FGF12: variants seen among roughly 807,000 people sequenced by gnomAD.
FGF12 encodes fibroblast growth factor 12B.
FGF12 carries 14 observed loss-of-function variants against 23.6 expected under a neutral mutation model. The ratio of observed to expected loss-of-function variants is 0.59; its 90% CI spans 0.39 to 0.93. The LOEUF (loss-of-function observed/expected upper bound fraction) is 0.93. Ranked by LOEUF, FGF12 falls within the 40% of genes least tolerant of loss-of-function variation. The pLI is 0.00. For synonymous variants in FGF12, 62 were observed against 77.3 expected (o/e 0.80, Z 1.04); for missense variants, 175 against 217.8 (o/e 0.80, Z 1.24).
chr3:192,308,623 T>C (rs1193203459), intron 4 of FGF12, among the ~76,000 whole-genome samples: 1 of 151,350 alleles, frequency 6.6e-6, no homozygotes, highest in Non-Finnish European at 1.5e-5. Flanking sequence ...GAGGTTGCAG[T>C]GAGCCGAGAT....
intron 2 of FGF12, among the ~76,000 whole-genome samples, chr3:192,713,392 G>A (rs762391991): frequency 1.3e-5 from 2 of 151,816 alleles, no homozygotes; most frequent in Non-Finnish European, 2.9e-5. Flanking sequence ...ATGGGAGAGA[G>A]GACAAGAAAG....
intron 2 of FGF12, among the ~76,000 whole-genome samples, chr3:192,537,692 T>C (rs1725258638): frequency 2.0e-5 from 3 of 152,240 alleles, no homozygotes; most frequent in Non-Finnish European, 1.5e-5. Flanking sequence ...TTCTGGTTAT[T>C]GATTCCTTGT....
chr3:192,351,628 C>T lies in FGF12; in HGVS notation c.124+8800G>A, dbSNP rs150478015. Among the ~76,000 whole-genome samples the T allele has an allele frequency of 6.3e-4, 96 of 152,266 alleles. No homozygotes were observed. In the East Asian group the frequency reaches 0.014, roughly 22 times the overall value. ...TCCCAAGCATGCCAGCTAAATGAAA[C>T]ACATTTGTAGCTCTTTGGATTTTGG... On this transcript the variant is annotated intron_variant, in intron 3 of 5. Transcript: ENST00000445105.
chr3:192,167,769 A>ATATATATATATCTATATAT (rs1553845519), intron 5 of FGF12, among the ~76,000 whole-genome samples: 2 of 38,842 alleles, frequency 5.1e-5, no homozygotes, highest in Non-Finnish European at 8.0e-5. Context: ...ATATATATAT[A>ATATATATATATCTATATAT]AAATTTTTTT....
chr3:192,560,468 G>A (rs953757880), intron 2 of FGF12, among the ~76,000 whole-genome samples: 28 of 151,738 alleles, frequency 1.8e-4, no homozygotes, highest in African/African-American at 5.3e-4. Flanking sequence ...TACTGTTGAT[G>A]AAAAAAGAAA....
intron 2 of FGF12, among the ~76,000 whole-genome samples, chr3:192,406,665 C>G (rs1720969346): frequency 6.6e-6 from 1 of 152,148 alleles, no homozygotes; most frequent in Non-Finnish European, 1.5e-5. Context: ...CTGAAATTTA[C>G]CACTTTATCA....
chr3:192,231,450 A>T (rs138565425), intron 4 of FGF12, among the ~76,000 whole-genome samples: 59 of 152,326 alleles, frequency 3.9e-4, no homozygotes, highest in African/African-American at 1.4e-3. Flanking sequence ...AGGTGGATAT[A>T]AAACTATTAG....
intron 2 of FGF12, among the ~76,000 whole-genome samples, chr3:192,571,389 T>G (rs1021749494): frequency 6.6e-6 from 1 of 152,296 alleles, no homozygotes; most frequent in Non-Finnish European, 1.5e-5. Flanking sequence ...AAATAGCACC[T>G]TCCTCCATTA....
chr3:192,618,926 G>A (rs1439503213), intron 2 of FGF12, among the ~76,000 whole-genome samples: 2 of 151,740 alleles, frequency 1.3e-5, no homozygotes, highest in African/African-American at 4.8e-5. Flanking sequence ...TCGGATAGAG[G>A]TTCCAGCCAG....
At chr3:192,666,522 T>C (rs368203916) in intron 2 of FGF12, among the ~76,000 whole-genome samples, 1 of 152,230 alleles carries the variant, frequency 6.6e-6, no homozygotes, top group South Asian at 2.1e-4. Flanking sequence ...CAAGTGCCAC[T>C]ATGAAACACA....
At chr3:192,363,556 G>C (rs1008557992) in intron 2 of FGF12, among the ~76,000 whole-genome samples, 1 of 152,046 alleles carries the variant, frequency 6.6e-6, no homozygotes, top group Non-Finnish European at 1.5e-5. Flanking sequence ...TTTCAAAGGA[G>C]ACTTGATCAT....
At chr3:192,686,815 A>ATTTTTTTTTTTTTTTTT (rs57045697) in intron 2 of FGF12, among the ~76,000 whole-genome samples, 4 of 61,478 alleles carry the variant, frequency 6.5e-5, no homozygotes, top group African/African-American at 1.6e-4. Context: ...TTTTTCTCTA[A>ATTTTTTTTTTTTTTTTT]TTTTTTTTTT....
chr3:192,501,955 T>G (rs974077417), intron 2 of FGF12, among the ~76,000 whole-genome samples: 4 of 152,234 alleles, frequency 2.6e-5, no homozygotes, highest in Non-Finnish European at 1.5e-5. Flanking sequence ...TATTTCATAA[T>G]GTCATTCTTT....
rs1713417845 is a variant in FGF12, at chr3:192,141,967, T to C, written c.*2042A>G. 6.6e-6 allele frequency: 1 copy of C among 152,320 alleles called. No homozygotes were observed. Among genetic ancestry groups the C allele is most frequent in the Non-Finnish European group, 1.5e-5 (1 of 67,862 alleles). 9.4% of individuals were successfully genotyped at this position (152,320 alleles called of 1,614,324 possible). A position where few individuals can be genotyped will look rare whatever the true frequency, so the allele number is the denominator to read the frequency against. ...GTTCTGGTAGTGACAGGTGTATTTA[T>C]AATCAAGTTGAATCAAGAGTGACAA... On this transcript the variant is annotated 3_prime_UTR_variant, in exon 6 of 6. Coordinates refer to ENST00000445105, the MANE Select transcript of FGF12 (RefSeq NM_004113.6).
intron 2 of FGF12, among the ~76,000 whole-genome samples, chr3:192,689,961 C>T (rs1577123199): frequency 6.6e-6 from 1 of 151,974 alleles, no homozygotes; most frequent in Non-Finnish European, 1.5e-5. Flanking sequence ...TTATAGATTT[C>T]TTAGTAGAAA....
intron 2 of FGF12, among the ~76,000 whole-genome samples, chr3:192,650,761 A>G (rs1716186302): frequency 6.6e-6 from 1 of 152,170 alleles, no homozygotes; most frequent in Non-Finnish European, 1.5e-5. Flanking sequence ...CAAGAGTAAT[A>G]TTTTTTAAAA....
At chr3:192,496,205 A>C (rs1723951073) in intron 2 of FGF12, among the ~76,000 whole-genome samples, 1 of 152,168 alleles carries the variant, frequency 6.6e-6, no homozygotes, top group Non-Finnish European at 1.5e-5. Flanking sequence ...CCCCAAGCTA[A>C]TGGATTCTTG....
chr3:192,195,486 A>G (rs1407568643), intron 4 of FGF12, among the ~76,000 whole-genome samples: 1 of 152,196 alleles, frequency 6.6e-6, no homozygotes, highest in Non-Finnish European at 1.5e-5. Flanking sequence ...ACTTACCGTT[A>G]TTTACAATTG....
chr3:192,431,744 A>G (rs1002715436), intron 2 of FGF12, among the ~76,000 whole-genome samples: 8 of 152,170 alleles, frequency 5.3e-5, no homozygotes, highest in Admixed American at 2.6e-4. Flanking sequence ...TAAGCTTTCT[A>G]TTATCTAGAA....
Sources: allele counts gnomAD v4.1 joint callset (sites outside exome capture counted in the v4.1 genomes callset), GRCh38; gene constraint gnomAD v4.1.1; transcripts MANE v1.5; gene names NCBI Gene and HGNC (gene_info 2026-07-23, HGNC 2026-07-21).